Variants in CELF2 observed in about 807,000 individuals in gnomAD.
The protein encoded by CELF2 is CUG triplet repeat RNA-binding protein 2.
CELF2 carries 8 observed loss-of-function variants against 62.6 expected under a neutral mutation model. The ratio of observed to expected loss-of-function variants is 0.13; its 90% CI spans 0.07 to 0.23. The LOEUF is 0.23. Among genes scored for constraint, CELF2 ranks in the 10% least tolerant of loss-of-function variants. CELF2 has a pLI of 1.00. For synonymous variants in CELF2, 258 were observed against 250.0 expected (o/e 1.03, Z -0.30); for missense variants, 333 against 671.0 (o/e 0.50, Z 5.56).
At chr10:10,842,960 T>C (rs1309002755) in intron 1 of CELF2, among the ~76,000 whole-genome samples, 1 of 152,086 alleles carries the variant, frequency 6.6e-6, no homozygotes, top group African/African-American at 2.4e-5. Flanking sequence ...AGGTTACTTA[T>C]TAATTTCTTT....
intron 1 of CELF2, among the ~76,000 whole-genome samples, chr10:11,121,555 G>A (rs534365620): frequency 6.6e-6 from 1 of 152,250 alleles, no homozygotes; most frequent in South Asian, 2.1e-4. Context: ...ATACAGTGAT[G>A]AACAGAAACA....
intron 1 of CELF2, among the ~76,000 whole-genome samples, chr10:10,856,261 C>T (rs1338400696): frequency 6.6e-6 from 1 of 152,024 alleles, no homozygotes; most frequent in African/African-American, 2.4e-5. Context: ...CGTTGTTTTC[C>T]TGAGTGGAAA....
chr10:10,635,934 T>C, the CELF2 span, among the ~76,000 whole-genome samples: 1 of 152,240 alleles, frequency 6.6e-6, no homozygotes, highest in East Asian at 1.9e-4. Context: ...GAATGCCTGT[T>C]ACCCATTTAC....
intron 2 of CELF2, among the ~76,000 whole-genome samples, chr10:10,959,274 C>T (rs866965522): frequency 5.3e-5 from 8 of 152,200 alleles, no homozygotes; most frequent in Non-Finnish European, 1.5e-5. Flanking sequence ...GAGTGAGACT[C>T]CATCTCAGAG....
At chr10:11,263,920 C>A (rs796507741) in intron 5 of CELF2, among the ~76,000 whole-genome samples, 10 of 152,328 alleles carry the variant, frequency 6.6e-5, no homozygotes, top group African/African-American at 2.4e-4. Flanking sequence ...CCGAGTGACA[C>A]AGAGAGTGAC....
At chr10:10,504,424 C>A in the CELF2 span, among the ~76,000 whole-genome samples, 25 of 152,160 alleles carry the variant, frequency 1.6e-4, no homozygotes, top group Middle Eastern at 3.4e-3. Flanking sequence ...GATGAGAAAT[C>A]GATAGTCATT....
At chr10:10,658,879 C>G in the CELF2 span, among the ~76,000 whole-genome samples, 8 of 152,144 alleles carry the variant, frequency 5.3e-5, no homozygotes, top group East Asian at 3.9e-4. Flanking sequence ...GAGAGAATAT[C>G]TAGGTCTTTT....
chr10:11,143,572 C>T (rs2061724695), intron 1 of CELF2, among the ~76,000 whole-genome samples: 3 of 152,208 alleles, frequency 2.0e-5, no homozygotes, highest in African/African-American at 7.2e-5. Context: ...ATGTTTTCTA[C>T]TATGCATACC....
chr10:10,779,356 G>A, the CELF2 span, among the ~76,000 whole-genome samples: 1 of 152,176 alleles, frequency 6.6e-6, no homozygotes, highest in Non-Finnish European at 1.5e-5. Flanking sequence ...TGAGGACCCT[G>A]CACTTCGCAC....
upstream of CELF2, among the ~76,000 whole-genome samples, chr10:10,795,898 A>G (rs1237638414): frequency 1.3e-5 from 2 of 152,038 alleles, no homozygotes; most frequent in Admixed American, 1.3e-4. Flanking sequence ...GGGTCTTAGG[A>G]GTGAATCGGT....
intron 1 of CELF2, among the ~76,000 whole-genome samples, chr10:11,029,238 G>T (rs893509375): frequency 6.6e-6 from 1 of 152,126 alleles, no homozygotes; most frequent in African/African-American, 2.4e-5. Context: ...GCATCTATGT[G>T]GTGTCCAGCT....
chr10:11,059,625 G>T (rs1319634061), intron 1 of CELF2, among the ~76,000 whole-genome samples: 1 of 152,218 alleles, frequency 6.6e-6, no homozygotes, highest in Non-Finnish European at 1.5e-5. Context: ...CAAGGAAAGA[G>T]TTGTGCTATT....
the CELF2 span, among the ~76,000 whole-genome samples, chr10:10,665,705 C>A: frequency 6.6e-6 from 1 of 152,124 alleles, no homozygotes; most frequent in Non-Finnish European, 1.5e-5. Context: ...AAGGTTGATG[C>A]TATAATTTTA....
At chr10:10,796,793 G>C (rs569325547), upstream of CELF2, 11 of 621,172 alleles carry the variant, frequency 1.8e-5, no homozygotes, top group South Asian at 7.7e-4. Flanking sequence ...GAGATTAAAA[G>C]TGTTATGTAA....
chr10:10,649,767 G>A, the CELF2 span, among the ~76,000 whole-genome samples: 3 of 152,152 alleles, frequency 2.0e-5, no homozygotes, highest in African/African-American at 7.2e-5. Context: ...TCCCAACACT[G>A]CAGAAGGACC....
the CELF2 span, among the ~76,000 whole-genome samples, chr10:10,485,200 G>C: frequency 6.6e-6 from 1 of 152,144 alleles, no homozygotes; most frequent in Non-Finnish European, 1.5e-5. Flanking sequence ...TAAAATTCAT[G>C]TTGTTACAGT....
In CELF2 at chr10:11,086,578, T is replaced by TAAAAAAAAAAAAAAAAAAAAAAAA. The variant is rs1168932032; in HGVS notation, c.74+68424_74+68447dup. Among the ~76,000 whole-genome samples, 5 of 71,982 alleles carry TAAAAAAAAAAAAAAAAAAAAAAAA rather than the reference T, an allele frequency of 6.9e-5. 1 individual carries two copies. The highest frequency in any genetic ancestry group is 2.7e-4 in the African/African-American group (5 of 18,238). The allele number at this position is 71,982 out of a possible 152,430, so 47.2% of individuals were successfully genotyped here. A position where few individuals can be genotyped will look rare whatever the true frequency, so the allele number is the denominator to read the frequency against. ...AATCCATGTCTCCATTTGCATTTGT[T>TAAAAAAAAAAAAAAAAAAAAAAAA]AAAAAAAAAAAAAAAAAAAAAAAAA... On this transcript the variant is annotated intron_variant, in intron 1 of 12. Coordinates refer to ENST00000633077, the MANE Select transcript of CELF2 (RefSeq NM_001326342.2).
chr10:11,062,425 A>G (rs528121444), intron 1 of CELF2, among the ~76,000 whole-genome samples: 1 of 152,358 alleles, frequency 6.6e-6, no homozygotes, highest in East Asian at 1.9e-4. Context: ...TTACCATATT[A>G]GAGGTCATTA....
the CELF2 span, among the ~76,000 whole-genome samples, chr10:10,580,423 CTA>C: frequency 6.6e-6 from 1 of 152,118 alleles, no homozygotes; most frequent in African/African-American, 2.4e-5. Context: ...CCAGGAATGA[CTA>C]TAAGAAATCC....
Sources: gnomAD v4.1 joint callset for allele counts (sites outside exome capture counted in the v4.1 genomes callset) on GRCh38, gnomAD v4.1.1 for gene constraint, MANE v1.5 for transcripts, NCBI Gene and HGNC (gene_info 2026-07-23, HGNC 2026-07-21) for gene names.